FBXO11: variants seen among roughly 807,000 people sequenced by gnomAD.
FBXO11 encodes F-box protein 11, also known as F-box only protein 11.
A neutral mutation model predicts 117.0 loss-of-function variants in FBXO11; 13 were observed. The ratio of observed to expected loss-of-function variants is 0.11; its 90% CI spans 0.07 to 0.18. The LOEUF (loss-of-function observed/expected upper bound fraction) is 0.18, where lower values mean the gene tolerates loss of function less well. Ranked by LOEUF, FBXO11 falls within the 10% of genes least tolerant of loss-of-function variation. FBXO11 has a pLI of 1.00. For synonymous variants in FBXO11, 490 were observed against 380.5 expected (o/e 1.29, Z -3.35); for missense variants, 767 against 1,164.4 (o/e 0.66, Z 4.97).
At position 47,832,955 on chromosome 2, in the gene FBXO11, A is replaced by T. The variant is rs767795121; in HGVS notation, c.1041+9T>A. ...TTCAATGTGTATTTTAAATCTTAACATGTCTTACCCTTATTGTCATATATC... is the reference window on the plus strand; with the variant it reads ...TTCAATGTGTATTTTAAATCTTAACTTGTCTTACCCTTATTGTCATATATC... On this transcript the variant is annotated intron_variant, in intron 8 of 22. Transcript: ENST00000403359. 3.7e-6 allele frequency: 6 copies of T among 1,606,246 alleles called. No individual in the cohort carries two copies. Among genetic ancestry groups the T allele is most frequent in the Admixed American group, 3.3e-5 (2 of 59,974 alleles).
chr2:47,876,714 G>T (rs896385963), intron 1 of FBXO11, among the ~76,000 whole-genome samples: 3 of 152,114 alleles, frequency 2.0e-5, no homozygotes, highest in African/African-American at 4.8e-5. Context: ...GCATCTAGAA[G>T]ATTTAAAAAA....
intron 1 of FBXO11, among the ~76,000 whole-genome samples, chr2:47,864,475 T>C (rs1051741744): frequency 3.9e-5 from 6 of 152,090 alleles, no homozygotes; most frequent in Non-Finnish European, 5.9e-5. Flanking sequence ...TAATCTCAGC[T>C]ACTCGGGAGG....
At chr2:47,836,420 G>C (rs1672566682) in intron 4 of FBXO11, among the ~76,000 whole-genome samples, 1 of 151,926 alleles carries the variant, frequency 6.6e-6, no homozygotes, top group Non-Finnish European at 1.5e-5. Flanking sequence ...CCAGGCTGGA[G>C]TGCAGTGCCA....
chr2:47,905,459 G>A (rs1013168865), intron 1 of FBXO11, 30 bp downstream of exon 1: 1 of 1,213,726 alleles, frequency 8.2e-7, no homozygotes, highest in African/African-American at 1.6e-5. Context: ...GCCCGGGAAG[G>A]CGGGCGGTTG....
chr2:47,902,530 A>G (rs1485467090), intron 1 of FBXO11, among the ~76,000 whole-genome samples: 2 of 152,156 alleles, frequency 1.3e-5, no homozygotes, highest in Non-Finnish European at 2.9e-5. Context: ...ACACACACAT[A>G]ATGTATGTAC....
In FBXO11 at chr2:47,875,328, G is replaced by C. The variant is rs751995574; in HGVS notation, c.232+30161C>G. Reference sequence around the variant, plus strand: ...TACCATATTGGACAACTTAGGTCTAGAGTGCTATTTATCTTCGCGTTTATC... The same window carrying C: ...TACCATATTGGACAACTTAGGTCTACAGTGCTATTTATCTTCGCGTTTATC... On this transcript the variant is annotated intron_variant, in intron 1 of 22. Coordinates refer to ENST00000403359, the MANE Select transcript of FBXO11 (RefSeq NM_001190274.2). Among the ~76,000 whole-genome samples, 6 of 152,088 alleles carry C rather than the reference G, an allele frequency of 3.9e-5. No homozygotes were observed. The East Asian group carries it at 1.2e-3, about 29-fold the overall frequency.
At chr2:47,826,478 C>A (rs1671764977) in intron 11 of FBXO11, among the ~76,000 whole-genome samples, 1 of 152,186 alleles carries the variant, frequency 6.6e-6, no homozygotes, top group Admixed American at 6.5e-5. Flanking sequence ...AAGTAACTCA[C>A]TGTACTTAGT....
In FBXO11 at chr2:47,903,193, T is replaced by G. The variant is rs77538446; in HGVS notation, c.232+2296A>C. Among the ~76,000 whole-genome samples, 1,392 of 152,294 alleles carry G rather than the reference T, an allele frequency of 9.1e-3. 9 individuals carry two copies. The highest frequency in any genetic ancestry group is 0.032 in the African/African-American group (1,313 of 41,560). On this transcript the variant is annotated intron_variant, in intron 1 of 22. Transcript: ENST00000403359. ...ATTTTTCCATATGGCTGGCAACATC[T>G]TTATTATTTTAGTTAACGAATTCAT... is the stretch of plus-strand genomic sequence containing the variant.
intron 1 of FBXO11, among the ~76,000 whole-genome samples, chr2:47,899,092 G>C (rs1233505343): frequency 2.6e-5 from 4 of 152,008 alleles, no homozygotes; most frequent in Admixed American, 2.0e-4. Flanking sequence ...GGCTAACATG[G>C]TGAAACCCGG....
In FBXO11 at chr2:47,809,903, A is replaced by C. The variant is rs115359499; in HGVS notation, c.2339-196T>G. The stretch of plus-strand genomic sequence containing the variant: ...TATCAATGACTATGGTCAAAACTGC[A>C]ATTAACTTTCGCACCAACCTAACTG... On this transcript the variant is annotated intron_variant, in intron 19 of 22. Coordinates refer to ENST00000403359, the MANE Select transcript of FBXO11 (RefSeq NM_001190274.2). The C allele has an allele frequency of 3.2e-3, 1,751 of 542,316 alleles. 34 individuals are homozygous for C. Among genetic ancestry groups the C allele is most frequent in the African/African-American group, 0.03 (1,568 of 51,786 alleles). The allele number at this position is 542,316 out of a possible 1,614,324, so 33.6% of individuals were successfully genotyped here. A position where few individuals can be genotyped will look rare whatever the true frequency, so the allele number is the denominator to read the frequency against.
intron 1 of FBXO11, among the ~76,000 whole-genome samples, chr2:47,894,841 C>CA (rs1441434753): frequency 1.3e-5 from 2 of 151,908 alleles, no homozygotes; most frequent in African/African-American, 2.4e-5. Context: ...TGGCTATCTG[C>CA]AAAAAAATGA....
chr2:47,871,349 T>C (rs1258394757), intron 1 of FBXO11, among the ~76,000 whole-genome samples: 1 of 152,104 alleles, frequency 6.6e-6, no homozygotes, highest in South Asian at 2.1e-4. Context: ...GAATGAGACA[T>C]CCTGAAAGCA....
intron 1 of FBXO11, among the ~76,000 whole-genome samples, chr2:47,878,682 G>T (rs1290304321): frequency 2.7e-5 from 4 of 149,660 alleles, no homozygotes; most frequent in African/African-American, 9.8e-5. Flanking sequence ...TTTTTTAAAG[G>T]AATGAAAGGT....
At chr2:47,841,040 T>C (rs1270853955) in intron 1 of FBXO11, among the ~76,000 whole-genome samples, 1 of 151,478 alleles carries the variant, frequency 6.6e-6, no homozygotes, top group African/African-American at 2.4e-5. Flanking sequence ...CTACTAAAAC[T>C]ACAAAAAATT....
At chr2:47,813,159 T>C (rs533490817) in intron 18 of FBXO11, 75 bp downstream of exon 18, 3 of 1,400,358 alleles carry the variant, frequency 2.1e-6, no homozygotes, top group Admixed American at 1.7e-5. Context: ...TAGTTAGCAA[T>C]GTCATTGATC....
intron 1 of FBXO11, among the ~76,000 whole-genome samples, chr2:47,866,817 G>C (rs1451887018): frequency 1.3e-5 from 2 of 152,074 alleles, no homozygotes; most frequent in Non-Finnish European, 2.9e-5. Context: ...ATGTCACTTT[G>C]AGAAAAAATA....
chr2:47,832,158 C>T (rs551895450), intron 11 of FBXO11, among the ~76,000 whole-genome samples, 191 bp downstream of exon 11: 1 of 152,270 alleles, frequency 6.6e-6, no homozygotes, highest in Non-Finnish European at 1.5e-5. Context: ...ATCACCTCTA[C>T]ATGGATATGT....
intron 11 of FBXO11, among the ~76,000 whole-genome samples, chr2:47,828,651 C>T (rs551648684): frequency 3.3e-4 from 50 of 151,232 alleles, no homozygotes; most frequent in African/African-American, 1.2e-3. Flanking sequence ...TCAAGAGTTT[C>T]ACAAGAAACT....
In FBXO11 at chr2:47,899,637, A is replaced by C. The variant is rs1013816742; in HGVS notation, c.232+5852T>G. On this transcript the variant is annotated intron_variant, in intron 1 of 22. Coordinates refer to ENST00000403359, the MANE Select transcript of FBXO11 (RefSeq NM_001190274.2). ...TTTAACTCTGAGCTCTTTACATCATACTGTCTCATTCCTTATAGTGTATCT... is the reference window on the plus strand; with the variant it reads ...TTTAACTCTGAGCTCTTTACATCATCCTGTCTCATTCCTTATAGTGTATCT... Among the ~76,000 whole-genome samples, 4 of 152,168 alleles carry C rather than the reference A, an allele frequency of 2.6e-5. No individual in the cohort carries two copies. In the East Asian group the frequency reaches 7.7e-4, roughly 29 times the overall value.
Sources: allele counts gnomAD v4.1 joint callset (sites outside exome capture counted in the v4.1 genomes callset), GRCh38; gene constraint gnomAD v4.1.1; transcripts MANE v1.5; gene names NCBI Gene and HGNC (gene_info 2026-07-23, HGNC 2026-07-21).